The following NRXN3 variants were observed in gnomAD, a reference collection of about 807,000 sequenced individuals.
NRXN3 encodes neurexin 3, also known as neurexin III.
NRXN3 carries 32 observed loss-of-function variants against 137.6 expected under a neutral mutation model. The ratio of observed to expected loss-of-function variants is 0.23; its 90% CI spans 0.18 to 0.31. NRXN3 has a LOEUF of 0.31. Ranked by LOEUF, NRXN3 falls within the 10% of genes least tolerant of loss-of-function variation. The pLI, the probability that NRXN3 is intolerant of heterozygous loss-of-function variation, is 1.00. For synonymous variants in NRXN3, 798 were observed against 784.5 expected, an observed-to-expected ratio of 1.02 and a Z score of -0.29; for missense variants, 1,574 against 2,062.5, an observed-to-expected ratio of 0.76 and a Z score of 4.59.
intron 15 of NRXN3, among the ~76,000 whole-genome samples, chr14:79,448,797 A>T (rs2096114605): frequency 6.6e-6 from 1 of 152,162 alleles, no homozygotes; most frequent in Admixed American, 6.5e-5. Context: ...TTATGTATGT[A>T]TTATGTGTAT....
chr14:78,392,773 C>T (rs572760502), intron 4 of NRXN3, among the ~76,000 whole-genome samples: 1 of 152,168 alleles, frequency 6.6e-6, no homozygotes, highest in East Asian at 1.9e-4. Flanking sequence ...GATCAATCTG[C>T]AGTGGGTTGT....
At chr14:78,401,040 C>T (rs1302816473) in intron 4 of NRXN3, among the ~76,000 whole-genome samples, 1 of 152,170 alleles carries the variant, frequency 6.6e-6, no homozygotes, top group African/African-American at 2.4e-5. Flanking sequence ...CAAGATGGTG[C>T]CTTCTTGCTA....
intron 15 of NRXN3, among the ~76,000 whole-genome samples, chr14:79,068,821 G>A (rs1286504585): frequency 6.6e-6 from 1 of 152,048 alleles, no homozygotes; most frequent in Non-Finnish European, 1.5e-5. Context: ...CTCCAGTGAA[G>A]AATTATTAGA....
At chr14:79,216,225 C>T (rs768976658) in intron 15 of NRXN3, among the ~76,000 whole-genome samples, 35 of 152,254 alleles carry the variant, frequency 2.3e-4, no homozygotes, top group Non-Finnish European at 4.4e-4. Flanking sequence ...GTGGCTTTTC[C>T]ATGTGGCTCA....
intron 16 of NRXN3, among the ~76,000 whole-genome samples, chr14:79,493,112 T>A (rs112729264): frequency 1.3e-5 from 2 of 152,318 alleles, no homozygotes; most frequent in Middle Eastern, 3.4e-3. Context: ...GACACAGAAG[T>A]TGGCATTGTG....
intron 15 of NRXN3, among the ~76,000 whole-genome samples, chr14:79,460,778 C>T (rs1031507571): frequency 6.6e-6 from 1 of 152,202 alleles, no homozygotes; most frequent in Non-Finnish European, 1.5e-5. Flanking sequence ...GGCTTTTTCT[C>T]ATGATGTACT....
At chr14:78,690,914 A>T (rs2098164994) in intron 6 of NRXN3, among the ~76,000 whole-genome samples, 2 of 152,178 alleles carry the variant, frequency 1.3e-5, no homozygotes, top group South Asian at 4.1e-4. Flanking sequence ...AGAAGTAAAG[A>T]TGTGTTAGTG....
chr14:79,172,187 C>T (rs527289552), intron 15 of NRXN3, among the ~76,000 whole-genome samples: 82 of 89,540 alleles, frequency 9.2e-4, no homozygotes, highest in Middle Eastern at 6.1e-3. Context: ...CAATAACTTG[C>T]TAGGGAAAAA....
At chr14:79,142,567 G>T (rs1389969843) in intron 15 of NRXN3, among the ~76,000 whole-genome samples, 1 of 152,216 alleles carries the variant, frequency 6.6e-6, no homozygotes, top group Non-Finnish European at 1.5e-5. Context: ...AAGAGTGGCT[G>T]TTGGCAACCT....
chr14:79,409,876 A>G (rs977015429), intron 15 of NRXN3, among the ~76,000 whole-genome samples: 4 of 151,758 alleles, frequency 2.6e-5, no homozygotes, highest in African/African-American at 9.7e-5. Context: ...CAAGGTTCTC[A>G]TATTAAGCAT....
chr14:79,400,949 A>C (rs1021069220), intron 15 of NRXN3, among the ~76,000 whole-genome samples: 4 of 152,238 alleles, frequency 2.6e-5, no homozygotes, highest in South Asian at 2.1e-4. Context: ...TTGCAGGGTA[A>C]ATGTAGGACT....
At chr14:79,846,130 AAC>A (rs941400579) in intron 20 of NRXN3, among the ~76,000 whole-genome samples, 35 of 152,204 alleles carry the variant, frequency 2.3e-4, no homozygotes, top group African/African-American at 8.2e-4. Flanking sequence ...ACCAAAATGT[AAC>A]ACAGAGTTGC....
chr14:79,046,059 T>G (rs1330151942), intron 15 of NRXN3, among the ~76,000 whole-genome samples: 2 of 152,192 alleles, frequency 1.3e-5, no homozygotes, highest in African/African-American at 2.4e-5. Context: ...AATATGTATA[T>G]CTAATGGGTA....
At chr14:79,830,811 G>T (rs1266465689) in intron 20 of NRXN3, among the ~76,000 whole-genome samples, 1 of 152,112 alleles carries the variant, frequency 6.6e-6, no homozygotes, top group African/African-American at 2.4e-5. Flanking sequence ...CTCCATCAAG[G>T]CAGACTTGTT....
At chr14:79,419,731 G>C (rs1012689055) in intron 15 of NRXN3, among the ~76,000 whole-genome samples, 1 of 152,128 alleles carries the variant, frequency 6.6e-6, no homozygotes, top group Non-Finnish European at 1.5e-5. Flanking sequence ...TGAGTCCTTG[G>C]ACAAGTTACC....
chr14:79,808,633 T>C (rs1428483703), intron 20 of NRXN3, among the ~76,000 whole-genome samples: 2 of 152,152 alleles, frequency 1.3e-5, no homozygotes, highest in African/African-American at 2.4e-5. Flanking sequence ...AGCGAGTTTA[T>C]TATTTTCTAG....
At chr14:78,572,800 T>A (rs1040914523) in intron 4 of NRXN3, among the ~76,000 whole-genome samples, 4 of 152,204 alleles carry the variant, frequency 2.6e-5, no homozygotes, top group Non-Finnish European at 5.9e-5. Context: ...ATTCAGCCCA[T>A]GAGCACATGG....
chr14:79,630,623 A>G (rs893137727), intron 16 of NRXN3, among the ~76,000 whole-genome samples: 1 of 152,216 alleles, frequency 6.6e-6, no homozygotes, highest in African/African-American at 2.4e-5. Flanking sequence ...TTAGCCAGGT[A>G]GGGCTAAGGC....
chr14:78,225,585 G>T (rs7140244), intron 1 of NRXN3, among the ~76,000 whole-genome samples: 2,570 of 152,188 alleles, frequency 0.017, 62 homozygotes, highest in African/African-American at 0.058. Context: ...CTTTTGCTGT[G>T]CAGAAACTCT....
Sources: allele counts gnomAD v4.1 joint callset (sites outside exome capture counted in the v4.1 genomes callset), GRCh38; gene constraint gnomAD v4.1.1; transcripts MANE v1.5; gene names NCBI Gene and HGNC (gene_info 2026-07-23, HGNC 2026-07-21).